POM121C: variants seen among roughly 807,000 people sequenced by gnomAD.
The protein encoded by POM121C is nuclear envelope pore membrane protein POM 121C.
POM121C carries 20 observed loss-of-function variants against 66.4 expected under a neutral mutation model. That is an observed-to-expected ratio of 0.30 (90% CI 0.21 to 0.44). The LOEUF (loss-of-function observed/expected upper bound fraction) is 0.44. Among genes scored for constraint, POM121C ranks in the 20% least tolerant of loss-of-function variants. The pLI is 1.00. For synonymous variants in POM121C, 286 were observed against 528.0 expected (o/e 0.54, Z 6.28); for missense variants, 580 against 1,225.7 (o/e 0.47, Z 7.87).
chr7:75,438,386 G>T, intron 6 of POM121C, among the ~76,000 whole-genome samples: 1 of 152,112 alleles, frequency 6.6e-6, no homozygotes, highest in East Asian at 1.9e-4. Flanking sequence ...TGGTTTTTTG[G>T]AGACCATTGT....
At chr7:75,436,888 T>C (rs1214522862) in intron 7 of POM121C, among the ~76,000 whole-genome samples, 5 of 152,120 alleles carry the variant, frequency 3.3e-5, no homozygotes, top group African/African-American at 1.2e-4. Flanking sequence ...CCCAAAGTGA[T>C]GGGATTACAG....
chr7:75,432,608 G>A (rs2116373686), intron 7 of POM121C, among the ~76,000 whole-genome samples: 1 of 152,304 alleles, frequency 6.6e-6, no homozygotes, highest in South Asian at 2.1e-4. Context: ...GACCTGAGTG[G>A]TGGTTACAAT....
At position 75,417,014 on chromosome 7, in the gene POM121C, G is replaced by A. The variant is rs779238746; in HGVS notation, c.*1782C>T. ...GCGGAACTGAGGTAAACAAGCTCAG[G>A]TACTGACACTAGGAGGGTCTACCTT... On this transcript the variant is annotated 3_prime_UTR_variant, in exon 15 of 15. Coordinates refer to ENST00000615331, the MANE Select transcript of POM121C (RefSeq NM_001099415.3). 44 of 1,269,876 alleles carry A rather than the reference G, an allele frequency of 3.5e-5. No individual in the cohort carries two copies. The Middle Eastern group carries it at 1.9e-3, about 54-fold the overall frequency. The allele number at this position is 1,269,876 out of a possible 1,614,324, so 78.7% of individuals were successfully genotyped here. A position where few individuals can be genotyped will look rare whatever the true frequency, so the allele number is the denominator to read the frequency against.
chr7:75,448,348 C>T (rs1225778761), intron 3 of POM121C, among the ~76,000 whole-genome samples: 4 of 152,064 alleles, frequency 2.6e-5, no homozygotes, highest in African/African-American at 2.4e-5. Flanking sequence ...TGGATCTACA[C>T]AAAGGAATGA....
intron 3 of POM121C, among the ~76,000 whole-genome samples, chr7:75,456,247 T>C (rs377558085): frequency 9.2e-5 from 14 of 152,324 alleles, no homozygotes; most frequent in East Asian, 3.9e-4. Flanking sequence ...CTTAAAAAAA[T>C]AGAAAGTTCA....
chr7:75,475,837 A>G (rs587718433), intron 1 of POM121C, among the ~76,000 whole-genome samples: 1 of 152,278 alleles, frequency 6.6e-6, no homozygotes, highest in South Asian at 2.1e-4. Flanking sequence ...GGATCAAATT[A>G]TTTTAACTTT....
At chr7:75,448,707 A>G (rs1187485242) in intron 3 of POM121C, among the ~76,000 whole-genome samples, 2 of 144,020 alleles carry the variant, frequency 1.4e-5, no homozygotes, top group Non-Finnish European at 3.0e-5. Flanking sequence ...AGGGTGAGGC[A>G]GGAGAATCGC....
At chr7:75,434,212 C>G (rs1483758715) in intron 7 of POM121C, among the ~76,000 whole-genome samples, 3 of 152,032 alleles carry the variant, frequency 2.0e-5, no homozygotes, top group Non-Finnish European at 4.4e-5. Context: ...GGAAACAGAA[C>G]TGAAAATAAT....
At chr7:75,474,313 G>A (rs2116526255) in intron 3 of POM121C, among the ~76,000 whole-genome samples, 1 of 152,260 alleles carries the variant, frequency 6.6e-6, no homozygotes, top group South Asian at 2.1e-4. Flanking sequence ...AGAATCGCTT[G>A]AACCTGGGAG....
At chr7:75,476,168 G>A (rs1252506951) in intron 1 of POM121C, among the ~76,000 whole-genome samples, 2 of 152,114 alleles carry the variant, frequency 1.3e-5, no homozygotes, top group Non-Finnish European at 2.9e-5. Flanking sequence ...GCACATGCCT[G>A]TAGTTCCAGC....
intron 3 of POM121C, among the ~76,000 whole-genome samples, chr7:75,465,767 A>C (rs1187925508): frequency 6.6e-6 from 1 of 150,646 alleles, no homozygotes; most frequent in Non-Finnish European, 1.5e-5. Context: ...AAAAAAAAAA[A>C]AATTAGCCTG....
intron 3 of POM121C, among the ~76,000 whole-genome samples, chr7:75,458,772 A>G (rs1294510064): frequency 6.6e-6 from 1 of 152,170 alleles, no homozygotes; most frequent in Non-Finnish European, 1.5e-5. Context: ...CTTACTCCTC[A>G]TACTAAGAAC....
At chr7:75,456,603 G>A (rs1584692308) in intron 3 of POM121C, among the ~76,000 whole-genome samples, 1 of 152,356 alleles carries the variant, frequency 6.6e-6, no homozygotes, top group East Asian at 1.9e-4. Context: ...CTTTAGCAAG[G>A]TGCTTTGGGC....
chr7:75,430,566 T>C (rs1790127360), intron 7 of POM121C, among the ~76,000 whole-genome samples: 1 of 152,132 alleles, frequency 6.6e-6, no homozygotes, highest in Admixed American at 6.6e-5. Flanking sequence ...ATTAATAAAA[T>C]AATAAAGCTT....
Position 75,422,026 on chromosome 7 carries a change from A to C in POM121C, c.2226T>G (p.Thr742=). The change falls in exon 13 of 15, where the codon ACT becomes ACG. Residue 742 remains threonine, a synonymous_variant. Coordinates refer to ENST00000615331, the MANE Select transcript of POM121C (RefSeq NM_001099415.3). ...TGGACGCAGGTGCAGGTGTGGGTGC[A>C]GTAGCCGGGGCCGGGGCTGCAGAGT... ...FGNSAAPAPA[T]APTPAPASTI... 1 of 1,613,560 alleles carries C rather than the reference A, an allele frequency of 6.2e-7. No individual in the cohort carries two copies. The highest frequency in any genetic ancestry group is 2.2e-5 in the East Asian group (1 of 44,864).
intron 3 of POM121C, among the ~76,000 whole-genome samples, chr7:75,459,620 A>G (rs1791380626): frequency 7.0e-6 from 1 of 142,844 alleles, no homozygotes; most frequent in African/African-American, 2.6e-5. Flanking sequence ...AAAAAAAAAA[A>G]GAAAGAAATG....
intron 3 of POM121C, among the ~76,000 whole-genome samples, chr7:75,464,871 A>AAAAAAAAAAAAAAAT (rs1791565487): frequency 6.7e-6 from 1 of 148,204 alleles, no homozygotes; most frequent in Non-Finnish European, 1.5e-5. Context: ...AAAAAAAAAA[A>AAAAAAAAAAAAAAAT]AAAAAAAAAA....
At chr7:75,459,720 A>G (rs1791385421) in intron 3 of POM121C, among the ~76,000 whole-genome samples, 1 of 141,614 alleles carries the variant, frequency 7.1e-6, no homozygotes, top group African/African-American at 2.6e-5. Flanking sequence ...AAGAGGGTAA[A>G]TATCTGGGTG....
At chr7:75,460,401 C>G (rs1370389605) in intron 3 of POM121C, among the ~76,000 whole-genome samples, 1 of 152,000 alleles carries the variant, frequency 6.6e-6, no homozygotes, top group African/African-American at 2.4e-5. Flanking sequence ...ACTCGGGAGG[C>G]TGAGGTGAGA....
Sources: gnomAD v4.1 joint callset for allele counts (sites outside exome capture counted in the v4.1 genomes callset) on GRCh38, gnomAD v4.1.1 for gene constraint, MANE v1.5 for transcripts, NCBI Gene and HGNC (gene_info 2026-07-23, HGNC 2026-07-21) for gene names.